SLC5A10: variants seen among roughly 807,000 people sequenced by gnomAD.
SLC5A10 encodes the protein sodium/mannose cotransporter SLC5A10.
A neutral mutation model predicts 68.9 loss-of-function variants in SLC5A10; 55 were observed. The observed-to-expected ratio is 0.80, with a 90% CI of 0.64 to 1.00. The LOEUF is 1.00. SLC5A10 is among the 50% of genes least tolerant of loss of function. The pLI is 0.00. For synonymous variants in SLC5A10, 344 were observed against 344.8 expected (o/e 1.00, Z 0.02); for missense variants, 732 against 819.3 (o/e 0.89, Z 1.30).
At chr17:18,969,280 C>T (rs1046574887) in intron 6 of SLC5A10, 62 bp from the exon 7 acceptor site, 4 of 1,589,766 alleles carry the variant, frequency 2.5e-6, no homozygotes, top group Non-Finnish European at 3.4e-6. Flanking sequence ...CCAGAAGTTC[C>T]TCCCCGTGTC....
intron 2 of SLC5A10, 22 bp from the exon 3 acceptor site, chr17:18,959,113 C>T (rs755437279): frequency 1.3e-5 from 21 of 1,599,674 alleles, no homozygotes; most frequent in African/African-American, 8.0e-5. Flanking sequence ...GCTGCTGATG[C>T]GTTTCCCTTT....
chr17:18,969,060 G>C lies in SLC5A10; in HGVS notation c.462G>C (p.Leu154=), dbSNP rs760869365. ...LSVFTKISLD[L]YAGALFVHIC... ...GCTCTCTCCCTCCGCAGCTGGACCT[G>C]TACGCGGGGGCTCTGTTTGTGCACA... Residue 154 remains leucine, a synonymous_variant, in exon 6 of 15, where the codon CTG becomes CTC. Coordinates refer to ENST00000395645, the MANE Select transcript of SLC5A10 (RefSeq NM_001042450.4). 4 of 1,613,640 alleles carry C rather than the reference G, an allele frequency of 2.5e-6. 1 individual carries two copies. The South Asian group carries it at 4.4e-5, about 18-fold the overall frequency.
rs1361662968 is a variant in SLC5A10, at chr17:19,018,779, G to A, written c.1242-644G>A. On this transcript the variant is annotated intron_variant, in intron 11 of 14. Transcript: ENST00000395645. This position sits in a 1 kb window ranked among gnomAD's most constrained non-coding sequence, Gnocchi z 4.2. The stretch of plus-strand genomic sequence containing the variant: ...GCTCCAAACTTTGCATCCTTAGTAA[G>A]CAGGTTGCCCTGTGAAGGATGTGCA... 6.6e-6 allele frequency: 1 copy of A among 152,308 alleles called. No homozygotes were observed. The highest frequency in any genetic ancestry group is 6.5e-5 in the Admixed American group (1 of 15,288). The allele number at this position is 152,308 out of a possible 1,614,324, so 9.4% of individuals were successfully genotyped here.
At chr17:19,002,827 G>A (rs899300448) in intron 9 of SLC5A10, among the ~76,000 whole-genome samples, 2 of 152,198 alleles carry the variant, frequency 1.3e-5, no homozygotes, top group Admixed American at 6.5e-5. Flanking sequence ...GGGTGGAGAA[G>A]GGGAGGGCCA....
intron 9 of SLC5A10, among the ~76,000 whole-genome samples, chr17:18,997,699 C>T (rs749972157): frequency 1.3e-5 from 2 of 152,156 alleles, no homozygotes; most frequent in Non-Finnish European, 2.9e-5. Flanking sequence ...CTCTCTGCTG[C>T]GTTCCAGTGA....
intron 9 of SLC5A10, chr17:18,977,652 G>T (rs377667225): frequency 2.4e-4 from 386 of 1,610,008 alleles, no homozygotes; most frequent in Non-Finnish European, 3.1e-4. Flanking sequence ...TCTCTTCCCC[G>T]ACTCTGGGCC....
intron 11 of SLC5A10, among the ~76,000 whole-genome samples, chr17:19,016,166 C>T (rs1019847155): frequency 3.3e-5 from 5 of 152,056 alleles, no homozygotes; most frequent in Non-Finnish European, 7.4e-5. Flanking sequence ...GTGTCTCAGC[C>T]TCTTGAGTAG....
chr17:19,016,016 G>A lies in SLC5A10; in HGVS notation c.1241+817G>A, dbSNP rs550374807. ...CTTTTATCCCTCACACCCTCCCAGC[G>A]TTTCCCCTGAGTCCTCAAAGTCCAT... is the stretch of plus-strand genomic sequence containing the variant. On this transcript the variant is annotated intron_variant, in intron 11 of 14. Coordinates refer to ENST00000395645, the MANE Select transcript of SLC5A10 (RefSeq NM_001042450.4). 5.2e-4 allele frequency among the ~76,000 whole-genome samples: 79 copies of A among 151,020 alleles called. 1 individual carries two copies. The highest frequency in any genetic ancestry group is 1.6e-3 in the African/African-American group (66 of 41,122).
At chr17:18,969,994 A>G (rs561947812) in intron 7 of SLC5A10, 23 of 152,576 alleles carry the variant, frequency 1.5e-4, no homozygotes, top group African/African-American at 4.8e-4. Flanking sequence ...TCCCTCAGAG[A>G]GTGAACAAAT....
chr17:18,997,501 G>C (rs1021895414), intron 9 of SLC5A10, among the ~76,000 whole-genome samples: 1 of 152,208 alleles, frequency 6.6e-6, no homozygotes, highest in African/African-American at 2.4e-5. Flanking sequence ...TTTTCAAACA[G>C]GAAAATCTCA....
chr17:19,020,279 A>C, intron 14 of SLC5A10, 46 bp from the exon 15 acceptor site: 1 of 1,613,414 alleles, frequency 6.2e-7, no homozygotes, highest in Non-Finnish European at 8.5e-7. Context: ...ACCAGGTGTA[A>C]CCTTGTGTCC....
rs773363329 is a variant in SLC5A10 at position 18,977,714 on chromosome 17, G to C, written c.982+725G>C. 9 of 1,609,180 alleles carry C rather than the reference G, an allele frequency of 5.6e-6. No individual in the cohort carries two copies. In the Admixed American group the frequency reaches 1.5e-4, roughly 27 times the overall value. The stretch of plus-strand genomic sequence containing the variant: ...AAAGGTCCCTCGGGTTATATGGGGG[G>C]CACTCAGCTGCCGGCGCGGTGGTGG... On this transcript the variant is annotated intron_variant, in intron 9 of 14. Transcript: ENST00000395645.
At chr17:18,963,521 G>C (rs1402420645) in intron 5 of SLC5A10, among the ~76,000 whole-genome samples, 10 of 152,278 alleles carry the variant, frequency 6.6e-5, no homozygotes, top group African/African-American at 1.9e-4. Context: ...CTTGAGGAAT[G>C]CTAATTGCTG....
At chr17:19,013,028 C>G (rs1401416532) in intron 9 of SLC5A10, among the ~76,000 whole-genome samples, 1 of 152,230 alleles carries the variant, frequency 6.6e-6, no homozygotes, top group Non-Finnish European at 1.5e-5. Flanking sequence ...CAGGGCCCAT[C>G]CTGCAGGCCT....
intron 9 of SLC5A10, among the ~76,000 whole-genome samples, chr17:18,984,809 G>A (rs1483385021): frequency 6.6e-6 from 1 of 152,246 alleles, no homozygotes; most frequent in Non-Finnish European, 1.5e-5. Context: ...GTCAGTGAAA[G>A]TTCTGGCCCT....
chr17:19,005,457 C>T (rs2043858963), intron 9 of SLC5A10, among the ~76,000 whole-genome samples: 1 of 152,154 alleles, frequency 6.6e-6, no homozygotes. Context: ...GGTGGGACAG[C>T]AAAGCCCATT....
In SLC5A10 at chr17:18,968,795, G is replaced by C; in HGVS notation, c.454-257G>C. The stretch of plus-strand genomic sequence containing the variant: ...GATTCAATAACAACACTGCTTTTGG[G>C]AAAGGCATTGGCCACTTTGGACTTT... On this transcript the variant is annotated intron_variant, in intron 5 of 14. Coordinates refer to ENST00000395645, the MANE Select transcript of SLC5A10 (RefSeq NM_001042450.4). The surrounding 1 kb of genome is among the most constrained non-coding windows in gnomAD (Gnocchi z 4.1). 2.0e-6 allele frequency: 1 copy of C among 502,142 alleles called. No individual in the cohort carries two copies. The highest frequency in any genetic ancestry group is 3.3e-5 in the East Asian group (1 of 30,228). 31.1% of individuals were successfully genotyped at this position (502,142 alleles called of 1,614,324 possible).
At chr17:18,961,177 C>T (rs1003182555) in intron 5 of SLC5A10, among the ~76,000 whole-genome samples, 5 of 152,172 alleles carry the variant, frequency 3.3e-5, no homozygotes, top group African/African-American at 1.2e-4. Context: ...AAGCATAGAG[C>T]TCATCTTGTC....
At chr17:18,989,356 C>T (rs976830295) in intron 9 of SLC5A10, among the ~76,000 whole-genome samples, 6 of 152,206 alleles carry the variant, frequency 3.9e-5, no homozygotes, top group Non-Finnish European at 7.4e-5. Flanking sequence ...GTGGAGGCGG[C>T]CTGGAGCCTG....
Sources: allele counts gnomAD v4.1 joint callset (sites outside exome capture counted in the v4.1 genomes callset), GRCh38; gene constraint gnomAD v4.1.1; non-coding constraint Gnocchi (gnomAD v3.1); transcripts MANE v1.5; gene names NCBI Gene and HGNC (gene_info 2026-07-23, HGNC 2026-07-21).